DNA2: variants seen among roughly 807,000 people sequenced by gnomAD.
DNA2 encodes the protein DNA replication helicase/nuclease 2.
DNA2 carries 101 observed loss-of-function variants against 119.1 expected under a neutral mutation model. That is an observed-to-expected ratio of 0.85 (90% confidence interval 0.72 to 1.00). The LOEUF (loss-of-function observed/expected upper bound fraction) is 1.00. Ranked by LOEUF, DNA2 falls within the 50% of genes least tolerant of loss-of-function variation. The pLI is 0.00. For missense variants in DNA2, 1,121 were observed against 1,255.5 expected, an observed-to-expected ratio of 0.89 and a Z score of 1.62; for synonymous variants, 366 against 424.4, an observed-to-expected ratio of 0.86 and a Z score of 1.69.
chr10:68,440,710 C>T (rs180827217), intron 9 of DNA2, among the ~76,000 whole-genome samples: 15 of 152,080 alleles, frequency 9.9e-5, no homozygotes, highest in Non-Finnish European at 1.9e-4. Context: ...ACTACACATA[C>T]GCAGTCTATC....
At chr10:68,424,542 G>A (rs1056535688) in intron 14 of DNA2, 37 of 750,418 alleles carry the variant, frequency 4.9e-5, no homozygotes, top group Middle Eastern at 2.5e-4. Flanking sequence ...TGAGGCCGCC[G>A]CTAGCCGGAG....
At chr10:68,468,408 G>A in intron 2 of DNA2, 102 bp from the exon 3 acceptor site, 28 of 736,842 alleles carry the variant, frequency 3.8e-5, no homozygotes, top group South Asian at 1.1e-4. Flanking sequence ...TTTATCTGAA[G>A]AAGAAAAAAA....
intron 4 of DNA2, among the ~76,000 whole-genome samples, chr10:68,463,731 AAC>A (rs1405627876): frequency 6.6e-6 from 1 of 152,118 alleles, no homozygotes; most frequent in African/African-American, 2.4e-5. Context: ...GCACCATAAT[AAC>A]ACATTCATCA....
chr10:68,431,787 C>A, intron 13 of DNA2, 75 bp downstream of exon 13: 1 of 946,840 alleles, frequency 1.1e-6, no homozygotes, highest in Admixed American at 2.5e-5. Context: ...TTTTGATATT[C>A]AATATTACAT....
chr10:68,461,721 G>A (rs908647239), intron 4 of DNA2, among the ~76,000 whole-genome samples: 4 of 151,498 alleles, frequency 2.6e-5, no homozygotes, highest in African/African-American at 7.3e-5. Context: ...CCAGCTACTC[G>A]GGAGGCTGAG....
Position 68,422,714 on chromosome 10 carries a change from C to T in DNA2, c.2385G>A (p.Val795=). 1 of 1,612,588 alleles carries T rather than the reference C, an allele frequency of 6.2e-7. No individual in the cohort carries two copies. The highest frequency in any genetic ancestry group is 8.5e-7 in the Non-Finnish European group (1 of 1,179,450). ...CTGCCTACCTTGCTTCACGGTTTAG[C>T]ACCAGGGGAGGAAGCTGCTGATGGT... The part of the protein sequence containing the change: ...VGDHQQLPPL[V]LNREARALGM... The change falls in exon 15 of 21, where the codon GTG becomes GTA. Residue 795 remains valine (V), a synonymous_variant. Coordinates refer to ENST00000358410, the MANE Select transcript of DNA2 (RefSeq NM_001080449.3).
At chr10:68,418,484 A>AAAAAAAAACC (rs1208338244) in intron 19 of DNA2, among the ~76,000 whole-genome samples, 1 of 151,826 alleles carries the variant, frequency 6.6e-6, no homozygotes, top group Non-Finnish European at 1.5e-5. Flanking sequence ...TCTTTAAAAA[A>AAAAAAAAACC]AAAAAAAACC....
rs1415432326 is a variant in DNA2 at position 68,431,861 on chromosome 10, C to A, written c.1983+1G>T. 3.1e-6 allele frequency: 5 copies of A among 1,597,144 alleles called. No individual in the cohort carries two copies. Among genetic ancestry groups the A allele is most frequent in the Non-Finnish European group, 3.4e-6 (4 of 1,165,602 alleles). Reference sequence around the variant, plus strand: ...TCTAAGCAGAAGAATAATAACCTTACGAGAGTACATATCGTAGTTGTTTTT... The same window carrying A: ...TCTAAGCAGAAGAATAATAACCTTAAGAGAGTACATATCGTAGTTGTTTTT... On this transcript the variant is annotated splice_donor_variant, in intron 13 of 20. Transcript: ENST00000358410. LOFTEE classifies it high-confidence loss of function.
intron 19 of DNA2, among the ~76,000 whole-genome samples, chr10:68,418,549 C>T (rs997804593): frequency 1.3e-5 from 2 of 151,448 alleles, no homozygotes; most frequent in African/African-American, 2.4e-5. Flanking sequence ...TGTGCCATGG[C>T]GGTTTGCTGC....
rs538715729 is a variant in DNA2, at chr10:68,434,599, C to T, written c.1647-2089G>A. Among the ~76,000 whole-genome samples the T allele has an allele frequency of 1.1e-4, 16 of 152,112 alleles. No individual in the cohort carries two copies. In the South Asian group the frequency reaches 2.9e-3, roughly 28 times the overall value. ...CCCAGGAAGTCCAGGCTGCAGTGAA[C>T]TGTGATCATGCCACTGTACTCCAGC... On this transcript the variant is annotated intron_variant, in intron 10 of 20. Coordinates refer to ENST00000358410, the MANE Select transcript of DNA2 (RefSeq NM_001080449.3).
chr10:68,436,997 T>A lies in DNA2; in HGVS notation c.1646+14A>T, dbSNP rs768975060. ...TCAATAAAGCTGTTATCAAAAAAAG[T>A]AACATTTCATTACCTGTCTAATAAA... On this transcript the variant is annotated intron_variant, in intron 10 of 20. Coordinates refer to ENST00000358410, the MANE Select transcript of DNA2 (RefSeq NM_001080449.3). 1.3e-6 allele frequency: 2 copies of A among 1,581,144 alleles called. No individual in the cohort carries two copies. The highest frequency in any genetic ancestry group is 2.3e-5 in the South Asian group (2 of 87,888).
intron 19 of DNA2, among the ~76,000 whole-genome samples, chr10:68,417,410 A>AAC (rs2051605644): frequency 6.7e-6 from 1 of 149,478 alleles, no homozygotes; most frequent in African/African-American, 2.4e-5. Context: ...AAAAAAAAAA[A>AAC]AACACTATTT....
intron 14 of DNA2, among the ~76,000 whole-genome samples, chr10:68,428,911 G>A (rs1449394757): frequency 1.3e-5 from 2 of 152,164 alleles, no homozygotes; most frequent in East Asian, 3.8e-4. Context: ...TCCTGGGTGT[G>A]ACATTGTACT....
At chr10:68,466,215 G>C (rs780669988) in intron 3 of DNA2, among the ~76,000 whole-genome samples, 24 of 151,806 alleles carry the variant, frequency 1.6e-4, no homozygotes, top group Non-Finnish European at 2.9e-4. Flanking sequence ...TTTAGTAGAG[G>C]CAGGGTTTCA....
intron 6 of DNA2, among the ~76,000 whole-genome samples, chr10:68,448,748 C>T (rs1204311773): frequency 6.6e-6 from 1 of 151,920 alleles, no homozygotes; most frequent in Non-Finnish European, 1.5e-5. Flanking sequence ...ATCTTGGAAT[C>T]CAGATCACTT....
At chr10:68,471,750 T>C (rs1444691781) in intron 1 of DNA2, 41 bp downstream of exon 1, 1 of 1,532,182 alleles carries the variant, frequency 6.5e-7, no homozygotes, top group Non-Finnish European at 8.8e-7. Flanking sequence ...TTCTTTCAAA[T>C]CTCCCGCTTT....
intron 5 of DNA2, among the ~76,000 whole-genome samples, chr10:68,452,737 ATTTTTTTT>A (rs35788452): frequency 8.9e-5 from 8 of 90,160 alleles, no homozygotes; most frequent in Non-Finnish European, 1.1e-4. Context: ...ACGCCCAGCT[ATTTTTTTT>A]TTTTTTTTTT....
At chr10:68,465,441 ATC>A (rs1489825097) in intron 4 of DNA2, among the ~76,000 whole-genome samples, 1 of 152,200 alleles carries the variant, frequency 6.6e-6, no homozygotes, top group African/African-American at 2.4e-5. Context: ...TACTTAAGGA[ATC>A]TGTTATGCAC....
At chr10:68,445,705 A>G (rs1197217241) in intron 7 of DNA2, among the ~76,000 whole-genome samples, 2 of 152,168 alleles carry the variant, frequency 1.3e-5, no homozygotes, top group Non-Finnish European at 2.9e-5. Context: ...AATACTGAAG[A>G]TAAATACAGC....
Sources: allele counts gnomAD v4.1 joint callset (sites outside exome capture counted in the v4.1 genomes callset), GRCh38; gene constraint gnomAD v4.1.1; transcripts MANE v1.5; gene names NCBI Gene and HGNC (gene_info 2026-07-23, HGNC 2026-07-21).